The following ARHGEF7 variants were observed in gnomAD, a reference collection of about 807,000 sequenced individuals.
ARHGEF7 encodes the protein Rho guanine nucleotide exchange factor 7.
ARHGEF7 carries 33 observed loss-of-function variants against 109.8 expected under a neutral mutation model. The ratio of observed to expected loss-of-function variants is 0.30; its 90% CI spans 0.23 to 0.40. The LOEUF is 0.40. Among genes scored for constraint, ARHGEF7 ranks in the 10% least tolerant of loss-of-function variants. ARHGEF7 has a pLI of 1.00. For synonymous variants in ARHGEF7, 458 were observed against 424.6 expected (o/e 1.08, Z -0.97); for missense variants, 938 against 1,098.5 (o/e 0.85, Z 2.07).
At position 111,266,725 on chromosome 13, in the gene ARHGEF7, G is replaced by T; in HGVS notation, c.951-823G>T. On this transcript the variant is annotated intron_variant, in intron 8 of 21. Transcript: ENST00000646102. This position sits in a 1 kb window ranked among gnomAD's most constrained non-coding sequence, Gnocchi z 4.8. ...TCTCTGGCTCCCATTCCCTAGGTAGGAGGATGTAATCCTTCTGGTAATATT... is the reference window on the plus strand; with the variant it reads ...TCTCTGGCTCCCATTCCCTAGGTAGTAGGATGTAATCCTTCTGGTAATATT... 1 of 437,138 alleles carries T rather than the reference G, an allele frequency of 2.3e-6. No homozygotes were observed. Among genetic ancestry groups the T allele is most frequent in the Non-Finnish European group, 4.7e-6 (1 of 212,418 alleles). 27.1% of individuals were successfully genotyped at this position (437,138 alleles called of 1,614,324 possible).
At position 111,207,558 on chromosome 13, in the gene ARHGEF7, A is replaced by T. The variant is rs139740000; in HGVS notation, c.337+2185A>T. 2.2e-4 allele frequency among the ~76,000 whole-genome samples: 33 copies of T among 152,298 alleles called. No individual in the cohort carries two copies. In the East Asian group the frequency reaches 5.2e-3, roughly 24 times the overall value. ...AAATCTACAAGTAATCCTTAATTTG[A>T]CTCTGCTCCCATTGAATACTTTTTT... On this transcript the variant is annotated intron_variant, in intron 3 of 21. Transcript: ENST00000646102.
chr13:111,212,556 T>A (rs1249186459), intron 4 of ARHGEF7, among the ~76,000 whole-genome samples: 5 of 152,074 alleles, frequency 3.3e-5, no homozygotes, highest in Non-Finnish European at 1.5e-5. Flanking sequence ...GTTTGTGAGG[T>A]GATTGTCCCC....
chr13:111,204,650 G>A (rs1371393469), intron 2 of ARHGEF7, among the ~76,000 whole-genome samples: 1 of 152,144 alleles, frequency 6.6e-6, no homozygotes, highest in Non-Finnish European at 1.5e-5. Flanking sequence ...CAGCTCCATC[G>A]TGGTCCCAGG....
chr13:111,276,730 G>A (rs908110800), intron 12 of ARHGEF7, among the ~76,000 whole-genome samples: 1 of 152,202 alleles, frequency 6.6e-6, no homozygotes, highest in Non-Finnish European at 1.5e-5. Context: ...GTCGTTCTCA[G>A]TGACTTCTTT....
At chr13:111,212,410 G>A (rs1205464270) in intron 4 of ARHGEF7, among the ~76,000 whole-genome samples, 1 of 152,186 alleles carries the variant, frequency 6.6e-6, no homozygotes, top group Non-Finnish European at 1.5e-5. Context: ...CATAGATAAG[G>A]CATGAGTTCA....
intron 5 of ARHGEF7, 35 bp from the exon 6 acceptor site, chr13:111,233,170 C>A: frequency 6.4e-7 from 1 of 1,553,810 alleles, no homozygotes; most frequent in Non-Finnish European, 8.9e-7. Flanking sequence ...ATCTTTAGTA[C>A]TGATCAGTAA....
chr13:111,117,664 C>T (rs987377738), intron 1 of ARHGEF7, among the ~76,000 whole-genome samples: 2 of 152,076 alleles, frequency 1.3e-5, no homozygotes, highest in African/African-American at 4.8e-5. Flanking sequence ...GGGTTTCTTT[C>T]TTTCTTTTCT....
At chr13:111,222,000 G>T (rs560701148) in intron 5 of ARHGEF7, among the ~76,000 whole-genome samples, 47 of 152,126 alleles carry the variant, frequency 3.1e-4, no homozygotes, top group Middle Eastern at 3.4e-3. Flanking sequence ...GGTCAGTCTC[G>T]CCTTTTCACG....
intron 2 of ARHGEF7, among the ~76,000 whole-genome samples, chr13:111,172,430 C>T (rs2077693093): frequency 6.6e-6 from 1 of 152,182 alleles, no homozygotes; most frequent in Admixed American, 6.5e-5. Context: ...GAAGTCATGG[C>T]ATTCTCCAGT....
At chr13:111,137,596 C>CA (rs2075146414) in intron 1 of ARHGEF7, among the ~76,000 whole-genome samples, 1 of 152,128 alleles carries the variant, frequency 6.6e-6, no homozygotes, top group Non-Finnish European at 1.5e-5. Flanking sequence ...GGCAGAGAGA[C>CA]AGAAAGGACA....
rs1472750008 is a variant in ARHGEF7, at chr13:111,300,755, C to G, written c.2319C>G (p.Arg773=). 6.2e-7 allele frequency: 1 copy of G among 1,605,946 alleles called. No homozygotes were observed. The highest frequency in any genetic ancestry group is 8.5e-7 in the Non-Finnish European group (1 of 1,176,404). Reference sequence around the variant, plus strand: ...ATTTTTTCATGATCCTAGGTTCACGCAAAGAATCTGCTCCACAAGTTTTGC... The same window carrying G: ...ATTTTTTCATGATCCTAGGTTCACGGAAAGAATCTGCTCCACAAGTTTTGC... ...SYRMGSTSRS[R]KESAPQVLLP... The change falls in exon 20 of 22, where the codon CGC becomes CGG. Residue 773 remains arginine, a synonymous_variant. Coordinates refer to ENST00000646102, the MANE Select transcript of ARHGEF7 (RefSeq NM_001354046.2).
At position 111,209,963 on chromosome 13, in the gene ARHGEF7, T is replaced by G. The variant is rs778628269; in HGVS notation, c.429T>G (p.Thr143=). The change falls in exon 4 of 22, where the codon ACT becomes ACG. Residue 143 remains threonine (T), a synonymous_variant. Transcript: ENST00000646102. ...FDSLGSQSLH[T]RTSKLFQGQY... ...CCCTTGGATCACAGTCTTTGCACAC[T>G]CGGACTTCAAAACTGTTCCAGGGCC... 1.9e-6 allele frequency: 3 copies of G among 1,614,118 alleles called. No individual in the cohort carries two copies. In the African/African-American group the frequency reaches 4.0e-5, roughly 22 times the overall value.
rs2153627652 is a variant in ARHGEF7, at chr13:111,292,524, A to G, written c.2311+230A>G. On this transcript the variant is annotated intron_variant, in intron 19 of 21. Transcript: ENST00000646102. Reference sequence around the variant, plus strand: ...ATACATTCGAATGACTGACTATTGGAGGGAGGTGGTGTGTTCACGTGAGCC... The same window carrying G: ...ATACATTCGAATGACTGACTATTGGGGGGAGGTGGTGTGTTCACGTGAGCC... The G allele has an allele frequency of 2.1e-6, 3 of 1,418,708 alleles. No individual in the cohort carries two copies. The East Asian group carries it at 7.6e-5, about 36-fold the overall frequency. 87.9% of individuals were successfully genotyped at this position (1,418,708 alleles called of 1,614,324 possible). A position where few individuals can be genotyped will look rare whatever the true frequency, so the allele number is the denominator to read the frequency against.
In ARHGEF7 at chr13:111,284,153, G is replaced by A. The variant is rs186980110; in HGVS notation, c.1950+790G>A. Among the ~76,000 whole-genome samples the A allele has an allele frequency of 9.0e-3, 1,364 of 152,172 alleles. 25 individuals are homozygous for A. Among genetic ancestry groups the A allele is most frequent in the African/African-American group, 0.031 (1,285 of 41,500 alleles). Reference sequence around the variant, plus strand: ...GGCGGTGAGAGTGTGGGTATCGTGCGCGTCAGTGTGAGCAGCAGTGCCCGT... The same window carrying A: ...GGCGGTGAGAGTGTGGGTATCGTGCACGTCAGTGTGAGCAGCAGTGCCCGT... On this transcript the variant is annotated intron_variant, in intron 16 of 21. Coordinates refer to ENST00000646102, the MANE Select transcript of ARHGEF7 (RefSeq NM_001354046.2).
intron 5 of ARHGEF7, among the ~76,000 whole-genome samples, chr13:111,231,398 TCTTGCAAC>T (rs1385759088): frequency 2.6e-5 from 4 of 152,208 alleles, no homozygotes; most frequent in Non-Finnish European, 4.4e-5. Context: ...CAGAGAGAAT[TCTTGCAAC>T]TTGCAGCGGC....
At chr13:111,231,072 C>G (rs893242490) in intron 5 of ARHGEF7, among the ~76,000 whole-genome samples, 3 of 152,160 alleles carry the variant, frequency 2.0e-5, no homozygotes, top group Non-Finnish European at 2.9e-5. Context: ...GTCACTGTTA[C>G]GAAGTTCACT....
chr13:111,138,319 A>C (rs2075183472), intron 1 of ARHGEF7, among the ~76,000 whole-genome samples: 1 of 152,018 alleles, frequency 6.6e-6, no homozygotes, highest in African/African-American at 2.4e-5. Context: ...GTCTCAAAAA[A>C]AACAAAAAAA....
chr13:111,155,725 T>C (rs566070327), intron 2 of ARHGEF7, among the ~76,000 whole-genome samples: 1 of 152,360 alleles, frequency 6.6e-6, no homozygotes, highest in African/African-American at 2.4e-5. Context: ...TGAAACTCAA[T>C]TGGCACATTA....
chr13:111,203,197 C>T (rs1249233601), intron 2 of ARHGEF7: 4 of 891,204 alleles, frequency 4.5e-6, no homozygotes, highest in East Asian at 6.6e-5. Context: ...ATTTTCAGAG[C>T]ACTAAGATTA....
Sources: gnomAD v4.1 joint callset for allele counts (sites outside exome capture counted in the v4.1 genomes callset) on GRCh38, gnomAD v4.1.1 for gene constraint, Gnocchi (gnomAD v3.1) non-coding constraint, MANE v1.5 for transcripts, NCBI Gene and HGNC (gene_info 2026-07-23, HGNC 2026-07-21) for gene names.